MYSM1: variants seen among roughly 807,000 people sequenced by gnomAD.
MYSM1 encodes the protein Myb like, SWIRM and MPN domains 1, also known as deubiquitinase MYSM1.
In MYSM1, 51 loss-of-function variants were observed where a neutral mutation model predicts 116.0. The ratio of observed to expected loss-of-function variants is 0.44; its 90% CI spans 0.35 to 0.56. The LOEUF (loss-of-function observed/expected upper bound fraction) is 0.56. MYSM1 is among the 20% of genes least tolerant of loss of function. The probability of loss-of-function intolerance (pLI) is 0.00; values close to 1 mark genes in which losing one functional copy is unlikely to be tolerated. For missense variants in MYSM1, 900 were observed against 974.9 expected, an observed-to-expected ratio of 0.92 and a Z score of 1.02; for synonymous variants, 313 against 315.2, an observed-to-expected ratio of 0.99 and a Z score of 0.07.
rs1265700955 is a variant in MYSM1 at position 58,661,418 on chromosome 1, C to G, written c.2258G>C (p.Arg753Thr). The G allele has an allele frequency of 6.4e-7, 1 of 1,572,660 alleles. No individual in the cohort carries two copies. Among genetic ancestry groups the G allele is most frequent in the Non-Finnish European group, 8.7e-7 (1 of 1,142,996 alleles). The change falls in exon 18 of 20, where the codon AGG becomes ACG. Residue 753 changes from arginine (R) to threonine (T), a missense_variant. Physicochemically the swap from Arg to Thr is moderately conservative, Grantham distance 71 (BLOSUM62 -1). Around this residue, in one of 3 missense-constraint regions of MYSM1, gnomAD observed 186 missense variants for 196.2 expected, o/e 0.95. Transcript: ENST00000472487. ...EKTRWIIEKY[R>T]LSHSSVPMDK... ...CCACAGTACATACCTATGGGAGAGC[C>G]TGTATTTTTCTATTATCCATCTTGT...
rs751698182 is a variant in MYSM1 at position 58,682,154 on chromosome 1, C to G, written c.890G>C (p.Trp297Ser). Residue 297 changes from tryptophan to serine, a missense_variant, in exon 8 of 20, where the codon TGG becomes TCG. Trp to Ser is a radical substitution (Grantham distance 177). Transcript: ENST00000472487. Reference protein sequence around the residue: ...ETLSSSEITLWTEKQSNGDKK... With the variant: ...ETLSSSEITLSTEKQSNGDKK... Reference sequence around the variant, plus strand: ...GTCACCATTGCTCTGTTTCTCAGTCCACAGTGTAATTTCTGAGCTTGAAAG... The same window carrying G: ...GTCACCATTGCTCTGTTTCTCAGTCGACAGTGTAATTTCTGAGCTTGAAAG... 1.4e-5 allele frequency: 22 copies of G among 1,613,174 alleles called. No individual in the cohort carries two copies. The highest frequency in any genetic ancestry group is 1.7e-5 in the Non-Finnish European group (20 of 1,179,360).
At position 58,665,629 on chromosome 1, in the gene MYSM1, ACT is replaced by A. The variant is rs1211920512; in HGVS notation, c.2032_2033del (p.Ser678LeufsTer15). The A allele has an allele frequency of 6.5e-7, 1 of 1,539,284 alleles. No individual in the cohort carries two copies. The highest frequency in any genetic ancestry group is 8.9e-7 in the Non-Finnish European group (1 of 1,123,040). ...ACTTTGCACCTCCTCTGGAGAAGTA[ACT>A]CTACAATGACAAGAAAAATATAATT... Reference protein sequence around the residue: ...RDIDTQAKYQSYFSRGGAKFI... With the variant: ...RDIDTQAKYQXYFSRGGAKFI... On this transcript the variant is annotated frameshift_variant and splice_region_variant, in exon 17 of 20. Coordinates refer to ENST00000472487, the MANE Select transcript of MYSM1 (RefSeq NM_001085487.3). LOFTEE classifies it high-confidence loss of function.
At chr1:58,661,562 A>G (rs1644392598) in intron 17 of MYSM1, 51 bp from the exon 18 acceptor site, 7 of 1,029,880 alleles carry the variant, frequency 6.8e-6, no homozygotes, top group Non-Finnish European at 1.0e-5. Flanking sequence ...TTAACTCTCC[A>G]ATCTCCTTTT....
intron 2 of MYSM1, among the ~76,000 whole-genome samples, chr1:58,694,617 CAAA>C (rs574682791): frequency 7.3e-6 from 1 of 136,094 alleles, no homozygotes; most frequent in Admixed American, 7.4e-5. Context: ...GACTGCATCT[CAAA>C]AAAAAAAAAA....
chr1:58,661,307 C>T, intron 18 of MYSM1, 80 bp from the exon 19 acceptor site: 4 of 1,322,080 alleles, frequency 3.0e-6, no homozygotes, highest in Non-Finnish European at 4.4e-6. Context: ...ATCACGGATG[C>T]CATACATCAC....
At chr1:58,662,617 A>AAC (rs1253947642) in intron 17 of MYSM1, among the ~76,000 whole-genome samples, 4 of 151,948 alleles carry the variant, frequency 2.6e-5, no homozygotes, top group Non-Finnish European at 5.9e-5. Flanking sequence ...GGTTTCTACC[A>AAC]TGGTAAGGAA....
In MYSM1 at chr1:58,681,939, C is replaced by T; in HGVS notation, c.1105G>A (p.Glu369Lys). The change falls in exon 8 of 20, where the codon GAA becomes AAA. Residue 369 changes from glutamate to lysine, a missense_variant. By Grantham distance (56) the Glu-to-Lys change is moderately conservative. Around this residue, in one of 3 missense-constraint regions of MYSM1, gnomAD observed 622 missense variants for 623.7 expected, o/e 1.00. Transcript: ENST00000472487. ...SCQMVEESHE[E>K]EELKPPEQEI... ...TGTTCTGGTGGCTTAAGCTCTTCTTCCTCATGGCTTTCCTCTACCATTTGG... is the reference window on the plus strand; with the variant it reads ...TGTTCTGGTGGCTTAAGCTCTTCTTTCTCATGGCTTTCCTCTACCATTTGG... 6.2e-7 allele frequency: 1 copy of T among 1,614,064 alleles called. No homozygotes were observed. The highest frequency in any genetic ancestry group is 8.5e-7 in the Non-Finnish European group (1 of 1,180,004).
In MYSM1 at chr1:58,682,377, C is replaced by T. The variant is rs1243861358; in HGVS notation, c.667G>A (p.Val223Ile). Reference protein sequence around the residue: ...KIEKLSDDEEVDITDEVDELS... With the variant: ...KIEKLSDDEEIDITDEVDELS... ...TCGTCCACCTCATCTGTGATGTCTA[C>T]TTCTTCATCATCAGATAACTTTTCA... Residue 223 changes from valine to isoleucine, a missense_variant, in exon 8 of 20, where the codon GTA (valine) becomes ATA (isoleucine). Val to Ile is a conservative substitution (Grantham distance 29). Coordinates refer to ENST00000472487, the MANE Select transcript of MYSM1 (RefSeq NM_001085487.3). The T allele has an allele frequency of 8.7e-6, 14 of 1,613,812 alleles. No individual in the cohort carries two copies. In the Admixed American group the frequency reaches 2.3e-4, roughly 27 times the overall value.
intron 8 of MYSM1, 107 bp from the exon 9 acceptor site, chr1:58,677,163 T>C: frequency 1.1e-6 from 1 of 949,772 alleles, no homozygotes; most frequent in Non-Finnish European, 1.6e-6. Flanking sequence ...TTAACCCCTT[T>C]CAATGTATAA....
intron 8 of MYSM1, among the ~76,000 whole-genome samples, chr1:58,679,332 A>C (rs1421618896): frequency 1.3e-5 from 2 of 152,240 alleles, no homozygotes; most frequent in African/African-American, 4.8e-5. Context: ...AACCAAGGCA[A>C]ATGACTTAGG....
intron 10 of MYSM1, 31 bp from the exon 11 acceptor site, chr1:58,673,681 A>T: frequency 6.4e-7 from 1 of 1,573,520 alleles, no homozygotes; most frequent in Non-Finnish European, 8.7e-7. Flanking sequence ...AGCAAAAGGT[A>T]GCAAGATTAA....
chr1:58,668,393 T>A, intron 14 of MYSM1: 1 of 1,210,718 alleles, frequency 8.3e-7, no homozygotes, highest in South Asian at 2.7e-5. Context: ...AAACTTAAAA[T>A]AGGGTTAATG....
At chr1:58,675,375 A>G in intron 10 of MYSM1, 102 bp downstream of exon 10, 1 of 762,564 alleles carries the variant, frequency 1.3e-6, no homozygotes. Flanking sequence ...ATGTTTTTCT[A>G]CTAAATGGTC....
Position 58,669,000 on chromosome 1 carries a change from A to G in MYSM1, c.1700T>C (p.Phe567Ser), listed in dbSNP as rs1445834146. Residue 567 changes from phenylalanine to serine, a missense_variant, in exon 13 of 20, where the codon TTT becomes TCT. By Grantham distance (155) the Phe-to-Ser change is radical. Coordinates refer to ENST00000472487, the MANE Select transcript of MYSM1 (RefSeq NM_001085487.3). ...AAATAGTACCTGCTTTTCTTCACTA[A>G]AAAAATTACAAGGTATCAGTTGGAA... ...DPFQLIPCNF[F>S]SEEKQEPFQV... 1.2e-6 allele frequency: 2 copies of G among 1,601,642 alleles called. No homozygotes were observed. The highest frequency in any genetic ancestry group is 1.7e-6 in the Non-Finnish European group (2 of 1,175,644).
chr1:58,661,282 G>C lies in MYSM1; in HGVS notation c.2271-55C>G. The C allele has an allele frequency of 2.8e-6, 4 of 1,439,728 alleles. No individual in the cohort carries two copies. The South Asian group carries it at 4.6e-5, about 17-fold the overall frequency. 89.2% of individuals were successfully genotyped at this position (1,439,728 alleles called of 1,614,324 possible). ...TGAAACGAATACTATAAACTAATCA[G>C]TTTCATAATAAACTATCACGGATGC... On this transcript the variant is annotated intron_variant, in intron 18 of 19. Coordinates refer to ENST00000472487, the MANE Select transcript of MYSM1 (RefSeq NM_001085487.3).
In MYSM1 at chr1:58,659,246, CTA is replaced by C. The variant is rs1278833967; in HGVS notation, c.*749_*750del. 1.3e-5 allele frequency: 2 copies of C among 152,096 alleles called. No homozygotes were observed. Among genetic ancestry groups the C allele is most frequent in the South Asian group, 2.1e-4 (1 of 4,832 alleles). The allele number at this position is 152,096 out of a possible 1,614,324, so 9.4% of individuals were successfully genotyped here. ...GAAAAAAAGTTTGAGTTATGATTACCTATGTTCCAGTTAAATGAGGTTTTATC... is the reference window on the plus strand; with the variant it reads ...GAAAAAAAGTTTGAGTTATGATTACCTGTTCCAGTTAAATGAGGTTTTATC... On this transcript the variant is annotated 3_prime_UTR_variant, in exon 20 of 20. Transcript: ENST00000472487.
At chr1:58,694,373 A>G (rs1055114123) in intron 2 of MYSM1, among the ~76,000 whole-genome samples, 11 of 152,182 alleles carry the variant, frequency 7.2e-5, no homozygotes, top group African/African-American at 2.7e-4. Flanking sequence ...CTGTAATCCC[A>G]CCACTTTGGG....
At chr1:58,669,070 TC>T (rs1644516919) in intron 12 of MYSM1, 32 bp from the exon 13 acceptor site, 2 of 1,432,238 alleles carry the variant, frequency 1.4e-6, no homozygotes, top group East Asian at 4.7e-5. Context: ...CAATACAATC[TC>T]AACAAGATTA....
chr1:58,696,877 T>C (rs1314762796), intron 1 of MYSM1, among the ~76,000 whole-genome samples: 1 of 152,182 alleles, frequency 6.6e-6, no homozygotes, highest in Non-Finnish European at 1.5e-5. Flanking sequence ...CTCAGATCTC[T>C]GGTAGTTAAA....
Sources: allele counts gnomAD v4.1 joint callset (sites outside exome capture counted in the v4.1 genomes callset), GRCh38; gene constraint gnomAD v4.1.1; regional missense constraint gnomAD v4.1.1; transcripts MANE v1.5; gene names NCBI Gene and HGNC (gene_info 2026-07-23, HGNC 2026-07-21).